Variants in NMT1 observed in about 807,000 individuals in gnomAD.
NMT1 encodes glycylpeptide N-tetradecanoyltransferase 1.
A neutral mutation model predicts 63.4 loss-of-function variants in NMT1; 12 were observed. That is an observed-to-expected ratio of 0.19 (90% confidence interval 0.12 to 0.31). The LOEUF (loss-of-function observed/expected upper bound fraction) is 0.31. Ranked by LOEUF, NMT1 falls within the 10% of genes least tolerant of loss-of-function variation. The pLI, the probability that NMT1 is intolerant of heterozygous loss-of-function variation, is 1.00. For synonymous variants in NMT1, 228 were observed against 234.3 expected (o/e 0.97, Z 0.25); for missense variants, 432 against 634.6 (o/e 0.68, Z 3.43).
chr17:45,098,600 G>T, intron 7 of NMT1, 48 bp downstream of exon 7: 1 of 1,553,748 alleles, frequency 6.4e-7, no homozygotes. Flanking sequence ...TGTCTGCACT[G>T]TAGTTGAGGA....
intron 1 of NMT1, among the ~76,000 whole-genome samples, chr17:45,078,823 T>G (rs2053994261): frequency 6.6e-6 from 1 of 152,038 alleles, no homozygotes; most frequent in East Asian, 1.9e-4. Flanking sequence ...CCACCACACC[T>G]GGCTAATTTT....
chr17:45,096,318 G>T, intron 5 of NMT1, 33 bp downstream of exon 5: 1 of 1,558,492 alleles, frequency 6.4e-7, no homozygotes, highest in Non-Finnish European at 8.9e-7. Context: ...AGGTTCTTGA[G>T]AGGAAGGCAT....
intron 1 of NMT1, among the ~76,000 whole-genome samples, chr17:45,076,722 C>T (rs567023577): frequency 6.6e-6 from 1 of 151,694 alleles, no homozygotes. Context: ...TGCACTCCAG[C>T]CTGGGCAACA....
At chr17:45,084,547 A>G (rs938514821) in intron 2 of NMT1, among the ~76,000 whole-genome samples, 11 of 151,666 alleles carry the variant, frequency 7.3e-5, no homozygotes, top group African/African-American at 2.7e-4. Flanking sequence ...GTTAGCCAGG[A>G]TGGTCTCGAT....
At chr17:45,082,425 T>C (rs1446228803) in intron 2 of NMT1, among the ~76,000 whole-genome samples, 1 of 152,118 alleles carries the variant, frequency 6.6e-6, no homozygotes, top group Non-Finnish European at 1.5e-5. Flanking sequence ...CAAAGACTTC[T>C]TCTTAAGACC....
At chr17:45,081,596 A>C in intron 1 of NMT1, 48 bp from the exon 2 acceptor site, 1 of 1,541,662 alleles carries the variant, frequency 6.5e-7, no homozygotes, top group Non-Finnish European at 8.9e-7. Context: ...GGGTAGCACA[A>C]AACAGATTTT....
chr17:45,065,136 T>C (rs2053893442), intron 1 of NMT1, among the ~76,000 whole-genome samples: 1 of 152,182 alleles, frequency 6.6e-6, no homozygotes. Context: ...GATTGTGTCT[T>C]CGAAATGCCT....
intron 1 of NMT1, among the ~76,000 whole-genome samples, chr17:45,071,244 T>A (rs577727313): frequency 6.6e-6 from 1 of 152,320 alleles, no homozygotes; most frequent in East Asian, 1.9e-4. Context: ...AAAAATTCAT[T>A]TTTTATTTGA....
chr17:45,091,186 T>TCACACACACACACA (rs1567868410), intron 3 of NMT1, among the ~76,000 whole-genome samples: 2 of 71,812 alleles, frequency 2.8e-5, no homozygotes, highest in Admixed American at 1.5e-4. Context: ...AGGTCTTTCC[T>TCACACACACACACA]GACACACACA....
chr17:45,070,718 A>C (rs2053934646), intron 1 of NMT1, among the ~76,000 whole-genome samples: 1 of 152,006 alleles, frequency 6.6e-6, no homozygotes, highest in Non-Finnish European at 1.5e-5. Flanking sequence ...CGCCTGGCCA[A>C]TTTTTGTAAT....
chr17:45,065,872 C>T (rs1295927699), intron 1 of NMT1, among the ~76,000 whole-genome samples: 1 of 150,176 alleles, frequency 6.7e-6, no homozygotes, highest in Non-Finnish European at 1.5e-5. Flanking sequence ...CCCTTATTCT[C>T]CTGGGCCTTT....
At position 45,104,558 on chromosome 17, in the gene NMT1, G is replaced by C; in HGVS notation, c.1333-301G>C. Reference sequence around the variant, plus strand: ...CAGGGTTTGGACTCCAGAGAGGACTGTGGAAATTACTAGAGTTTCAGGGAG... The same window carrying C: ...CAGGGTTTGGACTCCAGAGAGGACTCTGGAAATTACTAGAGTTTCAGGGAG... On this transcript the variant is annotated intron_variant, in intron 10 of 11. Transcript: ENST00000258960. The surrounding 1 kb of genome is among the most constrained non-coding windows in gnomAD (Gnocchi z 4.2). 1.7e-6 allele frequency: 2 copies of C among 1,186,536 alleles called. No individual in the cohort carries two copies. The highest frequency in any genetic ancestry group is 2.1e-6 in the Non-Finnish European group (2 of 952,032). The allele number at this position is 1,186,536 out of a possible 1,614,324, so 73.5% of individuals were successfully genotyped here.
At chr17:45,079,726 G>A (rs1347287084) in intron 1 of NMT1, among the ~76,000 whole-genome samples, 2 of 152,160 alleles carry the variant, frequency 1.3e-5, no homozygotes, top group Non-Finnish European at 1.5e-5. Context: ...TTGAGACGGA[G>A]TCTCGCTCTG....
intron 6 of NMT1, among the ~76,000 whole-genome samples, chr17:45,098,135 G>T (rs998555767): frequency 4.6e-5 from 7 of 152,166 alleles, no homozygotes; most frequent in African/African-American, 7.2e-5. Context: ...GGAGATGCTG[G>T]TGGTACCTTC....
intron 1 of NMT1, among the ~76,000 whole-genome samples, chr17:45,065,607 G>C (rs2053897141): frequency 7.7e-6 from 1 of 129,996 alleles, no homozygotes; most frequent in Non-Finnish European, 1.6e-5. Context: ...CTGGGCGACA[G>C]AGCCAGACTC....
intron 8 of NMT1, among the ~76,000 whole-genome samples, chr17:45,101,764 G>C (rs1319422680): frequency 1.3e-5 from 2 of 152,114 alleles, no homozygotes; most frequent in African/African-American, 4.8e-5. Flanking sequence ...CCTCTAAACA[G>C]GATTGATCAC....
chr17:45,062,572 T>A (rs2053872121), intron 1 of NMT1, among the ~76,000 whole-genome samples: 1 of 152,230 alleles, frequency 6.6e-6, no homozygotes, highest in Admixed American at 6.5e-5. Flanking sequence ...TTTTATTGTA[T>A]CCTTTCTATG....
At chr17:45,071,469 G>C (rs966703383) in intron 1 of NMT1, 1 of 152,134 alleles carries the variant, frequency 6.6e-6, no homozygotes, top group Non-Finnish European at 1.5e-5. Context: ...TGGTGTTTAC[G>C]ACTAATTTGT....
chr17:45,077,549 C>T (rs2053985965), intron 1 of NMT1, among the ~76,000 whole-genome samples: 2 of 152,322 alleles, frequency 1.3e-5, no homozygotes, highest in African/African-American at 2.4e-5. Flanking sequence ...TGCCACCACG[C>T]CCGGCTAATT....
Sources: allele counts gnomAD v4.1 joint callset (sites outside exome capture counted in the v4.1 genomes callset), GRCh38; gene constraint gnomAD v4.1.1; non-coding constraint Gnocchi (gnomAD v3.1); transcripts MANE v1.5; gene names NCBI Gene and HGNC (gene_info 2026-07-23, HGNC 2026-07-21).